The following MAN1C1 variants were observed in gnomAD, a reference collection of about 807,000 sequenced individuals.
MAN1C1 encodes the protein mannosyl-oligosaccharide 1,2-alpha-mannosidase IC.
Under a neutral mutation model 71.5 loss-of-function variants are expected in MAN1C1, and 49 were observed. The ratio of observed to expected loss-of-function variants is 0.69; its 90% CI spans 0.54 to 0.87. MAN1C1 has a LOEUF of 0.87. Ranked by LOEUF, MAN1C1 falls within the 40% of genes least tolerant of loss-of-function variation. The probability of loss-of-function intolerance (pLI) is 0.00; values close to 1 mark genes in which losing one functional copy is unlikely to be tolerated. For synonymous variants in MAN1C1, 352 were observed against 343.7 expected (o/e 1.02, Z -0.27); for missense variants, 743 against 835.0 (o/e 0.89, Z 1.36).
intron 2 of MAN1C1, among the ~76,000 whole-genome samples, chr1:25,738,604 T>G (rs1280416661): frequency 2.6e-5 from 4 of 152,188 alleles, no homozygotes; most frequent in Non-Finnish European, 5.9e-5. Context: ...GACCCTCAGC[T>G]GGGAAGGCTT....
At chr1:25,752,315 C>T (rs915929921) in intron 4 of MAN1C1, among the ~76,000 whole-genome samples, 2 of 152,146 alleles carry the variant, frequency 1.3e-5, no homozygotes, top group Admixed American at 6.5e-5. Context: ...CCACTGTCCC[C>T]GCTCCTCCAC....
chr1:25,638,108 G>A (rs767442264), intron 1 of MAN1C1, among the ~76,000 whole-genome samples: 7 of 151,384 alleles, frequency 4.6e-5, no homozygotes, highest in South Asian at 4.2e-4. Context: ...CCTTTGTTTC[G>A]TTTTTCCTTT....
rs191937017 is a variant in MAN1C1 at position 25,704,455 on chromosome 1, G to T, written c.637+17919G>T. ...TGGCTCCCAATGTGGAGATAAGAGG[G>T]AAGCAGTAGCGACATCTGGGCATCA... On this transcript the variant is annotated intron_variant, in intron 2 of 11. Coordinates refer to ENST00000374332, the MANE Select transcript of MAN1C1 (RefSeq NM_020379.4). Among the ~76,000 whole-genome samples, 313 of 152,320 alleles carry T rather than the reference G, an allele frequency of 2.1e-3. 1 individual carries two copies. Among genetic ancestry groups the T allele is most frequent in the Non-Finnish European group, 3.5e-3 (241 of 68,032 alleles).
intron 10 of MAN1C1, among the ~76,000 whole-genome samples, chr1:25,781,727 T>TG (rs1351535224): frequency 6.6e-6 from 1 of 152,006 alleles, no homozygotes; most frequent in Non-Finnish European, 1.5e-5. Context: ...TTCCGAGCAT[T>TG]GCACTCAGAC....
rs1233039276 is a variant in MAN1C1 at position 25,782,201 on chromosome 1, C to T, written c.1651-384C>T. On this transcript the variant is annotated intron_variant, in intron 10 of 11. Transcript: ENST00000374332. The surrounding 1 kb of genome is among the most constrained non-coding windows in gnomAD (Gnocchi z 4.4). ...ACCAAGTCCGTCCCCAAATCCCAGC[C>T]CATGGCCATCACCCGTGGCTTCTCT... Among the ~76,000 whole-genome samples the T allele has an allele frequency of 1.3e-5, 2 of 152,196 alleles. No homozygotes were observed. The highest frequency in any genetic ancestry group is 2.9e-5 in the Non-Finnish European group (2 of 68,030).
intron 1 of MAN1C1, among the ~76,000 whole-genome samples, chr1:25,659,586 C>T (rs1286716438): frequency 6.6e-6 from 1 of 152,118 alleles, no homozygotes; most frequent in Non-Finnish European, 1.5e-5. Context: ...GTTGTACAAA[C>T]ATTGATGTAG....
rs2047396629 is a variant in MAN1C1 at position 25,764,055 on chromosome 1, AG to A, written c.1141+90del. On this transcript the variant is annotated intron_variant, in intron 7 of 11. Coordinates refer to ENST00000374332, the MANE Select transcript of MAN1C1 (RefSeq NM_020379.4). The surrounding 1 kb of genome is among the most constrained non-coding windows in gnomAD (Gnocchi z 4.4). The stretch of plus-strand genomic sequence containing the variant: ...CCCTGCCAGGCCCCTGGGCTGAGTG[AG>A]GATGTGTCTGTCAGAGCCATGCAGC... 1 of 1,095,660 alleles carries A rather than the reference AG, an allele frequency of 9.1e-7. No homozygotes were observed. Among genetic ancestry groups the A allele is most frequent in the Non-Finnish European group, 1.4e-6 (1 of 721,796 alleles). The allele number at this position is 1,095,660 out of a possible 1,614,324, so 67.9% of individuals were successfully genotyped here. A position where few individuals can be genotyped will look rare whatever the true frequency, so the allele number is the denominator to read the frequency against.
At chr1:25,682,206 G>A (rs542146852) in intron 1 of MAN1C1, among the ~76,000 whole-genome samples, 13 of 152,292 alleles carry the variant, frequency 8.5e-5, no homozygotes, top group Non-Finnish European at 1.3e-4. Flanking sequence ...TTATGTTTCC[G>A]TTCAAAACCT....
chr1:25,645,049 C>T (rs2045594774), intron 1 of MAN1C1: 1 of 152,358 alleles, frequency 6.6e-6, no homozygotes, highest in Non-Finnish European at 1.5e-5. Flanking sequence ...TTCTGCCAAA[C>T]CTGACTGCCT....
intron 1 of MAN1C1, among the ~76,000 whole-genome samples, chr1:25,671,304 G>A (rs913952025): frequency 6.6e-6 from 1 of 152,178 alleles, no homozygotes; most frequent in Admixed American, 6.5e-5. Context: ...CTAACCCAGT[G>A]GGTGGCACAC....
chr1:25,757,364 C>CA (rs1469718482), intron 5 of MAN1C1, among the ~76,000 whole-genome samples: 3 of 152,224 alleles, frequency 2.0e-5, no homozygotes, highest in Non-Finnish European at 4.4e-5. Flanking sequence ...AGAGCGTCTA[C>CA]AAATGGGAGG....
At chr1:25,667,484 CAAAAA>C (rs756375842) in intron 1 of MAN1C1, among the ~76,000 whole-genome samples, 15 of 49,316 alleles carry the variant, frequency 3.0e-4, no homozygotes, top group Admixed American at 8.2e-4. Flanking sequence ...GACTCCATCT[CAAAAA>C]AAAAAAAAAA....
chr1:25,686,400 C>T (rs1437104195), intron 1 of MAN1C1, 40 bp from the exon 2 acceptor site: 14 of 1,563,672 alleles, frequency 9.0e-6, no homozygotes, highest in Non-Finnish European at 1.2e-5. Context: ...TGCCAGGAAT[C>T]GTCACACTGA....
chr1:25,678,423 T>C (rs2046099733), intron 1 of MAN1C1, among the ~76,000 whole-genome samples: 1 of 152,336 alleles, frequency 6.6e-6, no homozygotes, highest in East Asian at 1.9e-4. Context: ...TTTTGTTAGT[T>C]TTATCTCCCC....
chr1:25,770,388 C>G (rs566351484), intron 7 of MAN1C1, among the ~76,000 whole-genome samples: 6 of 152,346 alleles, frequency 3.9e-5, no homozygotes, highest in Admixed American at 3.9e-4. Flanking sequence ...TCCTCTCGAC[C>G]CCCATTCCTG....
rs1047525062 is a variant in MAN1C1 at position 25,766,631 on chromosome 1, C to T, written c.1141+2664C>T. ...GGGGTAACAGGGGAGCCCCAAGACC[C>T]GTCCTATTGCTAAGAGTTCACATCC... On this transcript the variant is annotated intron_variant, in intron 7 of 11. Coordinates refer to ENST00000374332, the MANE Select transcript of MAN1C1 (RefSeq NM_020379.4). Among the ~76,000 whole-genome samples, 7 of 152,016 alleles carry T rather than the reference C, an allele frequency of 4.6e-5. No homozygotes were observed. In the East Asian group the frequency reaches 5.8e-4, roughly 13 times the overall value.
intron 2 of MAN1C1, among the ~76,000 whole-genome samples, chr1:25,744,984 C>T (rs996272713): frequency 6.6e-6 from 1 of 152,236 alleles, no homozygotes; most frequent in Admixed American, 6.5e-5. Context: ...CTGCTGCCTG[C>T]AATGACTCCA....
intron 1 of MAN1C1, among the ~76,000 whole-genome samples, chr1:25,648,092 G>T (rs1490380139): frequency 6.6e-6 from 1 of 152,222 alleles, no homozygotes; most frequent in East Asian, 1.9e-4. Context: ...TCTGGCAGAG[G>T]CTTCCTTTGG....
Position 25,776,590 on chromosome 1 carries a change from T to C in MAN1C1, c.1258-1515T>C, listed in dbSNP as rs2047622167. Among the ~76,000 whole-genome samples, 1 of 152,026 alleles carries C rather than the reference T, an allele frequency of 6.6e-6. No homozygotes were observed. ...ATTGCACCTCTCATATATATTTGGT[T>C]TTGTTGGGAATTCTCTGCACTAATG... On this transcript the variant is annotated intron_variant, in intron 8 of 11. Coordinates refer to ENST00000374332, the MANE Select transcript of MAN1C1 (RefSeq NM_020379.4). This position sits in a 1 kb window ranked among gnomAD's most constrained non-coding sequence, Gnocchi z 4.3.
Sources: allele counts gnomAD v4.1 joint callset (sites outside exome capture counted in the v4.1 genomes callset), GRCh38; gene constraint gnomAD v4.1.1; non-coding constraint Gnocchi (gnomAD v3.1); transcripts MANE v1.5; gene names NCBI Gene and HGNC (gene_info 2026-07-23, HGNC 2026-07-21).